Variants in IL34 observed in about 807,000 individuals in gnomAD.
IL34 encodes the protein interleukin-34.
A neutral mutation model predicts 25.3 loss-of-function variants in IL34; 17 were observed. The ratio of observed to expected loss-of-function variants is 0.67; its 90% CI spans 0.46 to 1.01. The LOEUF (loss-of-function observed/expected upper bound fraction) is 1.01. IL34 is among the 50% of genes least tolerant of loss of function. The pLI is 0.00. For synonymous variants in IL34, 174 were observed against 140.9 expected, an observed-to-expected ratio of 1.23 and a Z score of -1.66; for missense variants, 368 against 312.9, an observed-to-expected ratio of 1.18 and a Z score of -1.33.
chr16:70,640,301 C>T (rs2051750576), intron 1 of IL34, among the ~76,000 whole-genome samples: 1 of 152,150 alleles, frequency 6.6e-6, no homozygotes, highest in Middle Eastern at 3.4e-3. Context: ...ACCACCATGC[C>T]CGGCTAATTT....
At chr16:70,652,951 T>A (rs950471351) in intron 1 of IL34, among the ~76,000 whole-genome samples, 3 of 152,054 alleles carry the variant, frequency 2.0e-5, no homozygotes, top group Non-Finnish European at 4.4e-5. Flanking sequence ...TGCCTGTAAA[T>A]CCAGCACTTT....
Position 70,587,560 on chromosome 16 carries a change from C to T in IL34, c.-401+7511C>T, listed in dbSNP as rs576626338. Among the ~76,000 whole-genome samples, 86 of 152,056 alleles carry T rather than the reference C, an allele frequency of 5.7e-4. 1 individual carries two copies. The highest frequency in any genetic ancestry group is 1.9e-3 in the African/African-American group (80 of 41,478). The stretch of plus-strand genomic sequence containing the variant: ...GGCTGGGATTACAGGTGTGAGCCAC[C>T]GCGCCCCGCTGACAGTGCTGAGTTT... On this transcript the variant is annotated intron_variant, in intron 1 of 6. Transcript: ENST00000429149.
At chr16:70,628,043 T>C (rs1173192193) in intron 1 of IL34, among the ~76,000 whole-genome samples, 2 of 152,246 alleles carry the variant, frequency 1.3e-5, no homozygotes, top group East Asian at 3.8e-4. Context: ...ATGTGACAAT[T>C]TACCTTCCTT....
At chr16:70,584,172 G>A (rs2050665564) in intron 1 of IL34, among the ~76,000 whole-genome samples, 1 of 152,294 alleles carries the variant, frequency 6.6e-6, no homozygotes, top group Admixed American at 6.5e-5. Flanking sequence ...TCCAGGTGTG[G>A]GACGATCCTA....
intron 1 of IL34, among the ~76,000 whole-genome samples, chr16:70,594,330 A>T (rs952358648): frequency 6.6e-6 from 1 of 152,180 alleles, no homozygotes; most frequent in African/African-American, 2.4e-5. Flanking sequence ...GATCTTGTAC[A>T]TATTTTGTTA....
chr16:70,621,920 T>C (rs891254019), intron 1 of IL34, among the ~76,000 whole-genome samples: 4 of 151,862 alleles, frequency 2.6e-5, no homozygotes, highest in Non-Finnish European at 5.9e-5. Context: ...TACACTTCTT[T>C]TGTGGTGGAA....
intron 2 of IL34, 79 bp downstream of exon 2, chr16:70,654,750 C>T: frequency 6.7e-7 from 1 of 1,497,956 alleles, no homozygotes. Context: ...ACATTCAGAG[C>T]CCTTCTTAGG....
At chr16:70,618,876 G>A (rs2051217472) in intron 1 of IL34, among the ~76,000 whole-genome samples, 1 of 152,170 alleles carries the variant, frequency 6.6e-6, no homozygotes, top group African/African-American at 2.4e-5. Context: ...TGAGCTTGAT[G>A]GGGGTCAGGG....
chr16:70,654,931 C>T (rs1417614971), intron 2 of IL34, among the ~76,000 whole-genome samples: 1 of 152,182 alleles, frequency 6.6e-6, no homozygotes, highest in Non-Finnish European at 1.5e-5. Context: ...CACCATATGA[C>T]TCAGGAATGG....
At chr16:70,612,081 GA>G (rs888932665) in intron 1 of IL34, among the ~76,000 whole-genome samples, 7 of 152,142 alleles carry the variant, frequency 4.6e-5, no homozygotes, top group Non-Finnish European at 7.3e-5. Context: ...TTAATCATGT[GA>G]AGCCCAAAGC....
intron 1 of IL34, among the ~76,000 whole-genome samples, chr16:70,651,854 G>A (rs982873321): frequency 2.0e-5 from 3 of 152,086 alleles, no homozygotes; most frequent in Admixed American, 6.6e-5. Flanking sequence ...GGGTGGGTGC[G>A]GTGGCTTATG....
intron 1 of IL34, among the ~76,000 whole-genome samples, chr16:70,614,056 C>A (rs898426136): frequency 6.6e-6 from 1 of 151,568 alleles, no homozygotes; most frequent in Non-Finnish European, 1.5e-5. Flanking sequence ...TGGTGGTGCA[C>A]GCCTGTAGCC....
At chr16:70,632,711 GT>G (rs1228373827) in intron 1 of IL34, among the ~76,000 whole-genome samples, 1 of 152,098 alleles carries the variant, frequency 6.6e-6, no homozygotes, top group Non-Finnish European at 1.5e-5. Flanking sequence ...AGAAGGGACA[GT>G]TTTTTTGTGA....
At chr16:70,598,421 C>T (rs939282677) in intron 1 of IL34, among the ~76,000 whole-genome samples, 2 of 152,022 alleles carry the variant, frequency 1.3e-5, no homozygotes, top group African/African-American at 2.4e-5. Flanking sequence ...GCTCCTGGTG[C>T]TTCTGTCAAC....
chr16:70,652,318 G>A lies in IL34; in HGVS notation c.29-2220G>A, dbSNP rs534528184. Among the ~76,000 whole-genome samples, 62 of 152,020 alleles carry A rather than the reference G, an allele frequency of 4.1e-4. 1 individual carries two copies. In the South Asian group the frequency reaches 0.012, roughly 29 times the overall value. ...AAAAAATTAAAAAAAAAATTAGCTG[G>A]GTGTGGTGGTGGCACCTGTAGTACC... On this transcript the variant is annotated intron_variant, in intron 1 of 5. Transcript: ENST00000288098.
At chr16:70,657,217 T>C in intron 4 of IL34, 96 bp downstream of exon 4, 7 of 1,303,986 alleles carry the variant, frequency 5.4e-6, no homozygotes, top group Non-Finnish European at 7.4e-6. Flanking sequence ...AGGGAAAGGG[T>C]GAATACACGG....
intron 1 of IL34, among the ~76,000 whole-genome samples, chr16:70,637,495 A>C (rs2051681528): frequency 2.0e-5 from 3 of 151,170 alleles, no homozygotes; most frequent in African/African-American, 4.9e-5. Context: ...ACAGGCATAC[A>C]CCATCAGGCC....
intron 1 of IL34, among the ~76,000 whole-genome samples, chr16:70,596,065 T>C (rs1249687782): frequency 6.7e-6 from 1 of 148,360 alleles, no homozygotes; most frequent in African/African-American, 2.5e-5. Flanking sequence ...ACAACAGAAG[T>C]GTATTGTTCT....
At chr16:70,589,640 G>A (rs1450039196) in intron 1 of IL34, among the ~76,000 whole-genome samples, 1 of 87,604 alleles carries the variant, frequency 1.1e-5, no homozygotes. Flanking sequence ...TTTTTTTTTT[G>A]AGACAGAGTT....
Sources: gnomAD v4.1 joint callset for allele counts (sites outside exome capture counted in the v4.1 genomes callset) on GRCh38, gnomAD v4.1.1 for gene constraint, MANE v1.5 for transcripts, NCBI Gene and HGNC (gene_info 2026-07-23, HGNC 2026-07-21) for gene names.